The following CLEC9A variants were observed in gnomAD, a reference collection of about 807,000 sequenced individuals.
CLEC9A encodes C-type lectin domain family 9 member A.
In CLEC9A, 24 loss-of-function variants were observed where a neutral mutation model predicts 30.0. The observed-to-expected ratio is 0.80, with a 90% CI of 0.58 to 1.13. The LOEUF (loss-of-function observed/expected upper bound fraction) is 1.13. CLEC9A is among the 50% of genes most tolerant of loss of function. CLEC9A has a pLI of 0.00. For synonymous variants in CLEC9A, 111 were observed against 96.8 expected (o/e 1.15, Z -0.86); for missense variants, 251 against 280.9 (o/e 0.89, Z 0.76).
Position 10,064,780 on chromosome 12 carries a change from T to TG in CLEC9A, c.523dup (p.Val175GlyfsTer34). 6.2e-7 allele frequency: 1 copy of TG among 1,613,596 alleles called. No homozygotes were observed. The highest frequency in any genetic ancestry group is 8.5e-7 in the Non-Finnish European group (1 of 1,179,728). On this transcript the variant is annotated frameshift_variant, in exon 8 of 9. Transcript: ENST00000355819. LOFTEE classifies it high-confidence loss of function. ...GAAGATTAAAGGAAGCTATGATTAC[T>TG]GGGTGGGGTTGTCTCAGGATGGACA...
chr12:10,053,894 T>A (rs1368803464), intron 4 of CLEC9A, among the ~76,000 whole-genome samples: 1 of 152,210 alleles, frequency 6.6e-6, no homozygotes, highest in Non-Finnish European at 1.5e-5. Flanking sequence ...TGGGGAGATG[T>A]GAGACAGCAT....
chr12:10,053,950 CTAAAAGATTGTTGGAAAAGAATACATA>C (rs1171160533), intron 4 of CLEC9A, among the ~76,000 whole-genome samples: 1 of 152,046 alleles, frequency 6.6e-6, no homozygotes, highest in East Asian at 1.9e-4. Flanking sequence ...GGGGGAATCT[CTAAAAGATTGTTGGAAAAGAATACATA>C]TAATTAGTTT....
chr12:10,065,783 T>A lies in CLEC9A; in HGVS notation c.*151T>A, dbSNP rs1225325215. 1.1e-5 allele frequency: 8 copies of A among 706,194 alleles called. No homozygotes were observed. Among genetic ancestry groups the A allele is most frequent in the East Asian group, 1.1e-4 (4 of 35,948 alleles). 43.7% of individuals were successfully genotyped at this position (706,194 alleles called of 1,614,324 possible). A position where few individuals can be genotyped will look rare whatever the true frequency, so the allele number is the denominator to read the frequency against. On this transcript the variant is annotated 3_prime_UTR_variant, in exon 9 of 9. Transcript: ENST00000355819. The stretch of plus-strand genomic sequence containing the variant: ...TGGGACTCAATAATACACTTGGGAA[T>A]ATTCTTCCACACCGTCCAGATTTCA...
intron 7 of CLEC9A, among the ~76,000 whole-genome samples, chr12:10,063,727 G>A (rs1047221913): frequency 5.9e-5 from 9 of 152,136 alleles, no homozygotes; most frequent in African/African-American, 1.9e-4. Flanking sequence ...ATCTTAACAA[G>A]TGAATAGGCT....
In CLEC9A at chr12:10,061,245, A is replaced by C; in HGVS notation, c.291A>C (p.Gln97His). Residue 97 changes from glutamine to histidine, a missense_variant, in exon 6 of 9, where the codon CAA (glutamine) becomes CAC (histidine). Gln to His is a conservative substitution (Grantham distance 24). Transcript: ENST00000355819. ...RSCALQMKYC[Q>H]AFMQNSLSSA... ...GTGCCCTTCAGATGAAATATTGCCA[A>C]GCCTTCATGCAAAACTCATTAAGTT... is the stretch of plus-strand genomic sequence containing the variant. 6.2e-7 allele frequency: 1 copy of C among 1,612,134 alleles called. No homozygotes were observed. The highest frequency in any genetic ancestry group is 8.5e-7 in the Non-Finnish European group (1 of 1,179,406).
chr12:10,048,366 G>GAAA (rs35035367), intron 2 of CLEC9A, among the ~76,000 whole-genome samples: 2 of 128,644 alleles, frequency 1.6e-5, no homozygotes. Flanking sequence ...GTGAGATTCC[G>GAAA]AAAAAAAAAA....
At position 10,065,560 on chromosome 12, in the gene CLEC9A, C is replaced by G; in HGVS notation, c.654C>G (p.Ser218=). 1 of 1,613,954 alleles carries G rather than the reference C, an allele frequency of 6.2e-7. No homozygotes were observed. ...TCTGTGGATACGTGAAAAGCAATTC[C>G]CTTCTTTCGTCTAACTGCAGCACGT... ...NQVCGYVKSN[S]LLSSNCSTWK... The change falls in exon 9 of 9, where the codon TCC becomes TCG. Residue 218 remains serine, a synonymous_variant. Transcript: ENST00000355819.
At chr12:10,045,505 GA>G in intron 2 of CLEC9A, 1 of 239,756 alleles carries the variant, frequency 4.2e-6, no homozygotes, top group African/African-American at 2.3e-5. Flanking sequence ...TCTGAAGATG[GA>G]AAAGGAAATA....
At chr12:10,041,435 A>G in intron 1 of CLEC9A, 31 bp from the exon 2 acceptor site, 1 of 371,526 alleles carries the variant, frequency 2.7e-6, no homozygotes, top group South Asian at 2.4e-5. Flanking sequence ...TTTAAAAACA[A>G]CAACAACATT....
Sources: allele counts gnomAD v4.1 joint callset (sites outside exome capture counted in the v4.1 genomes callset), GRCh38; gene constraint gnomAD v4.1.1; transcripts MANE v1.5; gene names NCBI Gene and HGNC (gene_info 2026-07-23, HGNC 2026-07-21).